GMDS: variants seen among roughly 807,000 people sequenced by gnomAD.
The protein encoded by GMDS is GDP-mannose 4,6 dehydratase.
Under a neutral mutation model 49.9 loss-of-function variants are expected in GMDS, and 20 were observed. The observed-to-expected ratio is 0.40, with a 90% CI of 0.28 to 0.58. GMDS has a LOEUF of 0.58. GMDS is among the 20% of genes least tolerant of loss of function. GMDS has a pLI of 0.42. For missense variants in GMDS, 362 were observed against 481.4 expected (o/e 0.75, Z 2.32); for synonymous variants, 177 against 178.6 (o/e 0.99, Z 0.07).
chr6:1,747,475 CTCAT>C (rs1767548181), intron 7 of GMDS, among the ~76,000 whole-genome samples: 2 of 11,166 alleles, frequency 1.8e-4, no homozygotes, highest in African/African-American at 1.6e-4. Flanking sequence ...CACACACACG[CTCAT>C]GCGTGTGCGC....
chr6:1,786,227 C>T (rs942322185), intron 7 of GMDS, among the ~76,000 whole-genome samples: 1 of 152,200 alleles, frequency 6.6e-6, no homozygotes, highest in Non-Finnish European at 1.5e-5. Flanking sequence ...CAGTTCATCA[C>T]CAAAATTCAT....
At chr6:2,008,588 T>C (rs1180793565) in intron 4 of GMDS, among the ~76,000 whole-genome samples, 1 of 152,220 alleles carries the variant, frequency 6.6e-6, no homozygotes, top group African/African-American at 2.4e-5. Context: ...TGATACTCTA[T>C]ATTGCTGGGC....
At chr6:1,893,100 T>C (rs935019593) in intron 7 of GMDS, among the ~76,000 whole-genome samples, 1 of 151,716 alleles carries the variant, frequency 6.6e-6, no homozygotes, top group African/African-American at 2.4e-5. Context: ...CCACCTGACC[T>C]CAATTTAAGA....
intron 4 of GMDS, among the ~76,000 whole-genome samples, chr6:1,975,056 A>G (rs569328942): frequency 6.6e-6 from 1 of 151,754 alleles, no homozygotes; most frequent in African/African-American, 2.4e-5. Flanking sequence ...AACAAAACAA[A>G]ACAGGGTAAC....
intron 4 of GMDS, among the ~76,000 whole-genome samples, chr6:2,050,308 CCCT>C (rs1770304220): frequency 6.6e-6 from 1 of 152,138 alleles, no homozygotes; most frequent in South Asian, 2.1e-4. Flanking sequence ...GACACATACA[CCCT>C]CCTAAGACCA....
intron 9 of GMDS, among the ~76,000 whole-genome samples, chr6:1,641,797 T>G (rs1397952811): frequency 6.6e-6 from 1 of 152,170 alleles, no homozygotes. Flanking sequence ...GTCAGGTTTT[T>G]AAATATTGGT....
intron 4 of GMDS, among the ~76,000 whole-genome samples, chr6:2,046,486 G>A (rs555686034): frequency 6.6e-6 from 1 of 152,118 alleles, no homozygotes; most frequent in African/African-American, 2.4e-5. Flanking sequence ...TGGACACAGG[G>A]TCTCACTCTG....
intron 9 of GMDS, among the ~76,000 whole-genome samples, chr6:1,694,322 A>G (rs1765268218): frequency 6.6e-6 from 1 of 152,056 alleles, no homozygotes; most frequent in African/African-American, 2.4e-5. Context: ...AAAAGAAACA[A>G]TATGCATATT....
intron 7 of GMDS, among the ~76,000 whole-genome samples, chr6:1,797,877 G>C (rs1247972521): frequency 6.6e-6 from 1 of 152,150 alleles, no homozygotes; most frequent in Non-Finnish European, 1.5e-5. Context: ...CATATACCAG[G>C]ACAGGTTTGC....
At chr6:1,681,006 AAAAG>A (rs921884832) in intron 9 of GMDS, among the ~76,000 whole-genome samples, 3 of 152,132 alleles carry the variant, frequency 2.0e-5, no homozygotes, top group African/African-American at 7.2e-5. Flanking sequence ...AGGGAGGATA[AAAAG>A]AAAGAAGTAA....
At chr6:2,157,584 A>G (rs1423081268) in intron 1 of GMDS, among the ~76,000 whole-genome samples, 1 of 152,220 alleles carries the variant, frequency 6.6e-6, no homozygotes. Flanking sequence ...GCCAGTGCTC[A>G]TCTTGTCTTG....
At chr6:2,113,996 T>G (rs1314037873) in intron 4 of GMDS, among the ~76,000 whole-genome samples, 1 of 152,168 alleles carries the variant, frequency 6.6e-6, no homozygotes, top group Non-Finnish European at 1.5e-5. Flanking sequence ...TTTCTATTAC[T>G]TACAGTACAA....
intron 4 of GMDS, among the ~76,000 whole-genome samples, chr6:2,061,832 T>C (rs1200516897): frequency 6.7e-6 from 1 of 148,840 alleles, no homozygotes; most frequent in East Asian, 2.0e-4. Context: ...AATAAAACAA[T>C]AGGAGACTAG....
chr6:1,920,486 G>A (rs534534579), intron 7 of GMDS, among the ~76,000 whole-genome samples: 1 of 152,324 alleles, frequency 6.6e-6, no homozygotes, highest in African/African-American at 2.4e-5. Flanking sequence ...AGTGATTAAC[G>A]TATGGTATGT....
At chr6:1,939,774 A>T (rs1435480284) in intron 6 of GMDS, among the ~76,000 whole-genome samples, 1 of 152,212 alleles carries the variant, frequency 6.6e-6, no homozygotes, top group Non-Finnish European at 1.5e-5. Flanking sequence ...TGCCTTTAAG[A>T]CATGAATAAT....
At chr6:1,652,478 T>TA (rs1483469469) in intron 9 of GMDS, among the ~76,000 whole-genome samples, 1 of 8,682 alleles carries the variant, frequency 1.2e-4, no homozygotes, top group African/African-American at 4.8e-4. Context: ...ATTATATATA[T>TA]TATATATAAT....
chr6:2,185,508 C>T (rs1471071729), intron 1 of GMDS, among the ~76,000 whole-genome samples: 1 of 152,200 alleles, frequency 6.6e-6, no homozygotes, highest in Admixed American at 6.5e-5. Context: ...AAGAGTTAAA[C>T]ATCTTCAACG....
At chr6:1,759,811 T>C (rs931474026) in intron 7 of GMDS, among the ~76,000 whole-genome samples, 4 of 152,226 alleles carry the variant, frequency 2.6e-5, no homozygotes, top group Admixed American at 6.5e-5. Flanking sequence ...CTAATAAGAC[T>C]GTCCCCACAC....
At chr6:1,725,307 GA>G (rs1191759517) in intron 9 of GMDS, among the ~76,000 whole-genome samples, 1 of 152,202 alleles carries the variant, frequency 6.6e-6, no homozygotes, top group Admixed American at 6.5e-5. Context: ...ATAAGTTTAG[GA>G]AAGGAGGATG....
Sources: gnomAD v4.1 joint callset for allele counts (sites outside exome capture counted in the v4.1 genomes callset) on GRCh38, gnomAD v4.1.1 for gene constraint, MANE v1.5 for transcripts, NCBI Gene and HGNC (gene_info 2026-07-23, HGNC 2026-07-21) for gene names.